CCDC50: variants seen among roughly 807,000 people sequenced by gnomAD.
CCDC50 encodes the protein coiled-coil domain-containing protein 50.
CCDC50 carries 54 observed loss-of-function variants against 70.2 expected under a neutral mutation model. The ratio of observed to expected loss-of-function variants is 0.77; its 90% CI spans 0.62 to 0.96. The LOEUF is 0.96. Among genes scored for constraint, CCDC50 ranks in the 50% least tolerant of loss-of-function variants. The probability of loss-of-function intolerance (pLI) is 0.00; values close to 1 mark genes in which losing one functional copy is unlikely to be tolerated. For synonymous variants in CCDC50, 216 were observed against 198.8 expected (o/e 1.09, Z -0.73); for missense variants, 558 against 578.7 (o/e 0.96, Z 0.37).
At chr3:191,391,178 G>T (rs1283111348) in intron 11 of CCDC50, among the ~76,000 whole-genome samples, 1 of 152,072 alleles carries the variant, frequency 6.6e-6, no homozygotes, top group Non-Finnish European at 1.5e-5. Context: ...AGGTGATATT[G>T]TTATTCATTT....
At chr3:191,345,017 G>A (rs1293468071) in intron 1 of CCDC50, among the ~76,000 whole-genome samples, 2 of 152,078 alleles carry the variant, frequency 1.3e-5, no homozygotes, top group African/African-American at 4.8e-5. Context: ...CTTCTTGATG[G>A]GAATAGAAAG....
chr3:191,346,122 C>G (rs1382974438), intron 1 of CCDC50, among the ~76,000 whole-genome samples: 1 of 152,088 alleles, frequency 6.6e-6, no homozygotes, highest in Non-Finnish European at 1.5e-5. Flanking sequence ...CATATGTGGG[C>G]TTTACTTTTG....
chr3:191,385,526 C>T (rs185342299), intron 10 of CCDC50, among the ~76,000 whole-genome samples: 23 of 152,064 alleles, frequency 1.5e-4, no homozygotes, highest in African/African-American at 4.8e-4. Flanking sequence ...ATTTGTTTAA[C>T]TTCCCTAAAG....
rs985143685 is a variant in CCDC50, at chr3:191,373,875, G to T, written c.449-1187G>T. Among the ~76,000 whole-genome samples the T allele has an allele frequency of 9.2e-5, 14 of 152,088 alleles. 1 individual carries two copies. Among genetic ancestry groups the T allele is most frequent in the Middle Eastern group, 3.2e-3 (1 of 316 alleles). ...TTTTTAATGGAAACTTACATAATTGGTACATTTAGCACATACCTCTTTCTT... is the reference window on the plus strand; with the variant it reads ...TTTTTAATGGAAACTTACATAATTGTTACATTTAGCACATACCTCTTTCTT... On this transcript the variant is annotated intron_variant, in intron 5 of 11. Transcript: ENST00000392455.
intron 2 of CCDC50, among the ~76,000 whole-genome samples, chr3:191,357,410 T>G (rs1467996009): frequency 1.3e-5 from 2 of 152,184 alleles, no homozygotes; most frequent in East Asian, 1.9e-4. Flanking sequence ...TTTCCTAGCC[T>G]CTTGTTGTAG....
intron 7 of CCDC50, 123 bp downstream of exon 7, chr3:191,380,397 A>G (rs1455862434): frequency 2.8e-5 from 21 of 752,838 alleles, no homozygotes; most frequent in Non-Finnish European, 4.2e-5. Context: ...TATGAGTGGA[A>G]AAATCATGAC....
Position 191,375,251 on chromosome 3 carries a change from G to A in CCDC50, c.638G>A (p.Arg213Lys). The change falls in exon 6 of 12, where the codon AGG becomes AAG. Residue 213 changes from arginine (R) to lysine (K), a missense_variant. Coordinates refer to ENST00000392455, the MANE Select transcript of CCDC50 (RefSeq NM_178335.3). ...SLSSSSSGKG[R>K]DNPHINNEQH... is the part of the protein sequence containing the mutation. Reference sequence around the variant, plus strand: ...TCATCCTCTAGCTCGGGCAAAGGGAGGGACAATCCCCATATTAACAATGAG... The same window carrying A: ...TCATCCTCTAGCTCGGGCAAAGGGAAGGACAATCCCCATATTAACAATGAG... 5.0e-6 allele frequency: 8 copies of A among 1,613,780 alleles called. No individual in the cohort carries two copies. The highest frequency in any genetic ancestry group is 5.9e-6 in the Non-Finnish European group (7 of 1,179,844).
At position 191,396,870 on chromosome 3, in the gene CCDC50, A is replaced by G. The variant is rs914360797; in HGVS notation, c.*5110A>G. 2 of 152,214 alleles carry G rather than the reference A, an allele frequency of 1.3e-5. No homozygotes were observed. Among genetic ancestry groups the G allele is most frequent in the African/African-American group, 2.4e-5 (1 of 41,466 alleles). 9.4% of individuals were successfully genotyped at this position (152,214 alleles called of 1,614,324 possible). ...GTAGAAATATATGGCCCTAAAAACC[A>G]TTCTCTTTCCCTTATATATATAAAT... On this transcript the variant is annotated 3_prime_UTR_variant, in exon 12 of 12. Transcript: ENST00000392455.
intron 11 of CCDC50, among the ~76,000 whole-genome samples, chr3:191,390,967 AAAATG>A (rs1713675043): frequency 6.6e-6 from 1 of 152,244 alleles, no homozygotes; most frequent in South Asian, 2.1e-4. Flanking sequence ...TGAGAGCTGT[AAAATG>A]AAATGGTGAA....
rs1283209575 is a variant in CCDC50, at chr3:191,374,162, C to T, written c.449-900C>T. On this transcript the variant is annotated intron_variant, in intron 5 of 11. Transcript: ENST00000392455. ...TTATAAAGTGCATATGCATTTGCTG[C>T]CTTTGTCTTCACATTATACTTGTGC... Among the ~76,000 whole-genome samples the T allele has an allele frequency of 2.0e-5, 3 of 152,032 alleles. No homozygotes were observed. The East Asian group carries it at 5.8e-4, about 29-fold the overall frequency.
At position 191,389,550 on chromosome 3, in the gene CCDC50, A is replaced by G; in HGVS notation, c.1377A>G (p.Thr459=). The G allele has an allele frequency of 6.2e-7, 1 of 1,614,138 alleles. No homozygotes were observed. Among genetic ancestry groups the G allele is most frequent in the South Asian group, 1.1e-5 (1 of 91,084 alleles). Residue 459 remains threonine, a synonymous_variant, in exon 11 of 12, where the codon ACA becomes ACG. Transcript: ENST00000392455. ...DGEDADYTHF[T]NQQSSTRHFS... is the part of the protein sequence containing the mutation. ...AAGATGCGGATTACACTCATTTTACAAACCAGCAGAGTTCCACACGGCATT... is the reference window on the plus strand; with the variant it reads ...AAGATGCGGATTACACTCATTTTACGAACCAGCAGAGTTCCACACGGCATT...
chr3:191,380,050 T>C, intron 6 of CCDC50, 109 bp from the exon 7 acceptor site: 1 of 707,442 alleles, frequency 1.4e-6, no homozygotes, highest in Non-Finnish European at 2.5e-6. Context: ...AGAGGTAGTA[T>C]TGTCATTGTT....
At position 191,398,017 on chromosome 3, in the gene CCDC50, T is replaced by C. The variant is rs1363380786; in HGVS notation, c.*6257T>C. 2.6e-5 allele frequency: 4 copies of C among 152,246 alleles called. No individual in the cohort carries two copies. The highest frequency in any genetic ancestry group is 5.9e-5 in the Non-Finnish European group (4 of 68,044). The allele number at this position is 152,246 out of a possible 1,614,324, so 9.4% of individuals were successfully genotyped here. On this transcript the variant is annotated 3_prime_UTR_variant, in exon 12 of 12. Transcript: ENST00000392455. ...TCTGATGGGAATATATACACTCATC[T>C]GGACTAGGCCAATGGAAGCAGTCTC...
At chr3:191,373,286 C>T (rs960791448) in intron 5 of CCDC50, among the ~76,000 whole-genome samples, 9 of 152,086 alleles carry the variant, frequency 5.9e-5, no homozygotes, top group African/African-American at 1.9e-4. Context: ...AAAGCTGTCA[C>T]AGCAAATTTA....
chr3:191,361,830 T>G (rs1346540740), intron 4 of CCDC50, among the ~76,000 whole-genome samples: 1 of 151,828 alleles, frequency 6.6e-6, no homozygotes, highest in East Asian at 1.9e-4. Context: ...GTCCCTGGGT[T>G]GTTCTTGCAG....
chr3:191,369,864 G>A (rs977526973), intron 4 of CCDC50, 55 bp from the exon 5 acceptor site: 10 of 1,253,240 alleles, frequency 8.0e-6, no homozygotes, highest in Non-Finnish European at 1.2e-5. Context: ...CCCACCATAT[G>A]GAGTTTGTTT....
rs776661954 is a variant in CCDC50, at chr3:191,389,586, A to T, written c.1413A>T (p.Ser471=). 2.5e-6 allele frequency: 4 copies of T among 1,613,064 alleles called. No homozygotes were observed. The highest frequency in any genetic ancestry group is 3.4e-6 in the Non-Finnish European group (4 of 1,179,138). Residue 471 remains serine (S), a synonymous_variant, in exon 11 of 12, where the codon TCA becomes TCT. Coordinates refer to ENST00000392455, the MANE Select transcript of CCDC50 (RefSeq NM_178335.3). ...QQSSTRHFSK[S]ESSHKGFHYK... ...GTTCCACACGGCATTTCTCAAAATC[A>T]GAGTCCTCTCATAAAGGTAAGAAGA...
chr3:191,339,583 G>C (rs1711652220), intron 1 of CCDC50, among the ~76,000 whole-genome samples: 1 of 152,130 alleles, frequency 6.6e-6, no homozygotes, highest in South Asian at 2.1e-4. Context: ...GAGAAATCTA[G>C]GGCATTTAGA....
At position 191,329,422 on chromosome 3, in the gene CCDC50, A is replaced by T. The variant is rs1366194940; in HGVS notation, c.-253A>T. ...TCCGGGCTCCGGATATTTGGTATCG[A>T]TTGGGGCCGGGGACGCGGAGCAGGT... On this transcript the variant is annotated 5_prime_UTR_variant, in exon 1 of 12. Transcript: ENST00000392455. 2 of 430,568 alleles carry T rather than the reference A, an allele frequency of 4.6e-6. No individual in the cohort carries two copies. The highest frequency in any genetic ancestry group is 8.1e-6 in the Non-Finnish European group (2 of 245,670). 26.7% of individuals were successfully genotyped at this position (430,568 alleles called of 1,614,324 possible). A position where few individuals can be genotyped will look rare whatever the true frequency, so the allele number is the denominator to read the frequency against.
Sources: gnomAD v4.1 joint callset for allele counts (sites outside exome capture counted in the v4.1 genomes callset) on GRCh38, gnomAD v4.1.1 for gene constraint, MANE v1.5 for transcripts, NCBI Gene and HGNC (gene_info 2026-07-23, HGNC 2026-07-21) for gene names.